Variants in SLCO3A1 observed in about 807,000 individuals in gnomAD.
The protein encoded by SLCO3A1 is solute carrier organic anion transporter family member 3A1, also known as PGE1 transporter.
SLCO3A1 carries 27 observed loss-of-function variants against 63.1 expected under a neutral mutation model. The ratio of observed to expected loss-of-function variants is 0.43; its 90% confidence interval spans 0.32 to 0.59. SLCO3A1 has a LOEUF of 0.59. Ranked by LOEUF, SLCO3A1 falls within the 20% of genes least tolerant of loss-of-function variation. The pLI, the probability that SLCO3A1 is intolerant of heterozygous loss-of-function variation, is 0.09. For missense variants in SLCO3A1, 773 were observed against 945.8 expected, an observed-to-expected ratio of 0.82 and a Z score of 2.40; for synonymous variants, 473 against 409.9, an observed-to-expected ratio of 1.15 and a Z score of -1.86.
intron 1 of SLCO3A1, among the ~76,000 whole-genome samples, chr15:91,868,076 G>C (rs1382564429): frequency 6.6e-6 from 1 of 151,966 alleles, no homozygotes; most frequent in Non-Finnish European, 1.5e-5. Context: ...TGAGGGGATG[G>C]AGTCTCGCTC....
At chr15:92,112,239 G>C (rs998626314) in intron 4 of SLCO3A1, among the ~76,000 whole-genome samples, 4 of 152,224 alleles carry the variant, frequency 2.6e-5, no homozygotes, top group Non-Finnish European at 4.4e-5. Context: ...TTGGGAGCTA[G>C]ACGTCTGGTT....
intron 8 of SLCO3A1, among the ~76,000 whole-genome samples, chr15:92,147,439 T>G (rs574691710): frequency 6.6e-6 from 1 of 152,142 alleles, no homozygotes; most frequent in South Asian, 2.1e-4. Flanking sequence ...GCATTGAGCC[T>G]TACAGGACGC....
intron 2 of SLCO3A1, among the ~76,000 whole-genome samples, chr15:91,993,200 G>A (rs952242607): frequency 1.3e-5 from 2 of 152,220 alleles, no homozygotes; most frequent in Admixed American, 1.3e-4. Flanking sequence ...ATGCATACTA[G>A]TCTTTGTACG....
chr15:91,998,926 T>G (rs1485104706), intron 2 of SLCO3A1, among the ~76,000 whole-genome samples: 1 of 152,198 alleles, frequency 6.6e-6, no homozygotes, highest in Non-Finnish European at 1.5e-5. Flanking sequence ...AAAGAAAATG[T>G]GCATATACAT....
At chr15:92,145,327 A>T (rs2048206944) in intron 7 of SLCO3A1, among the ~76,000 whole-genome samples, 1 of 152,128 alleles carries the variant, frequency 6.6e-6, no homozygotes, top group African/African-American at 2.4e-5. Flanking sequence ...GAAGAGGAGG[A>T]GTGGCATTTT....
rs1392881490 is a variant in SLCO3A1 at position 91,912,567 on chromosome 15, A to C, written c.181-3426A>C. 6.6e-6 allele frequency among the ~76,000 whole-genome samples: 1 copy of C among 152,206 alleles called. No homozygotes were observed. On this transcript the variant is annotated intron_variant, in intron 1 of 9. Transcript: ENST00000318445. The surrounding 1 kb of genome is among the most constrained non-coding windows in gnomAD (Gnocchi z 5.0). Reference sequence around the variant, plus strand: ...TCACCCTTATCTGTCATCAATGTGCACACCTGCATGATATTTTATGACACA... The same window carrying C: ...TCACCCTTATCTGTCATCAATGTGCCCACCTGCATGATATTTTATGACACA...
chr15:91,926,556 G>GCC (rs1899017579), intron 2 of SLCO3A1, among the ~76,000 whole-genome samples: 1 of 61,084 alleles, frequency 1.6e-5, no homozygotes, highest in South Asian at 7.9e-4. Context: ...TTCCTGCCAA[G>GCC]CCGTGTGTGT....
At chr15:92,101,622 G>C (rs1040900429) in intron 3 of SLCO3A1, among the ~76,000 whole-genome samples, 1 of 152,080 alleles carries the variant, frequency 6.6e-6, no homozygotes, top group South Asian at 2.1e-4. Flanking sequence ...AGCCTCCCCC[G>C]CCCTCAGGGC....
chr15:91,977,589 G>A (rs951903018), intron 2 of SLCO3A1, among the ~76,000 whole-genome samples: 5 of 152,124 alleles, frequency 3.3e-5, no homozygotes, highest in African/African-American at 7.2e-5. Flanking sequence ...GTGATATAAC[G>A]AACTTTGGCA....
intron 7 of SLCO3A1, 37 bp from the exon 8 acceptor site, chr15:92,146,947 T>C: frequency 6.4e-7 from 1 of 1,556,424 alleles, no homozygotes; most frequent in South Asian, 1.2e-5. Context: ...AAACCGGAAG[T>C]ACCCCCAGAT....
At chr15:91,983,603 T>G (rs1187591983) in intron 2 of SLCO3A1, among the ~76,000 whole-genome samples, 1 of 152,194 alleles carries the variant, frequency 6.6e-6, no homozygotes, top group African/African-American at 2.4e-5. Flanking sequence ...ACAAGTAAAT[T>G]ACTTACATCT....
intron 2 of SLCO3A1, among the ~76,000 whole-genome samples, chr15:92,062,180 A>G (rs1227627334): frequency 6.6e-6 from 1 of 152,214 alleles, no homozygotes; most frequent in African/African-American, 2.4e-5. Flanking sequence ...GACAGCAAAC[A>G]CACACACACT....
At chr15:91,889,008 T>TAA (rs35585843) in intron 1 of SLCO3A1, 24,090 of 331,480 alleles carry the variant, frequency 0.073, 304 homozygotes, top group African/African-American at 0.08. Context: ...AGACTGTCTC[T>TAA]AAAAAAAAAA....
Position 91,883,094 on chromosome 15 carries a change from A to G in SLCO3A1, c.180+29006A>G, listed in dbSNP as rs977836237. On this transcript the variant is annotated intron_variant, in intron 1 of 9. Transcript: ENST00000318445. This position sits in a 1 kb window ranked among gnomAD's most constrained non-coding sequence, Gnocchi z 4.8. ...TGGGAAGGAGCCATGTGCTCCAGCC[A>G]TTCAGATTCCAGTCCTCTCTGTCAG... Among the ~76,000 whole-genome samples, 2 of 152,240 alleles carry G rather than the reference A, an allele frequency of 1.3e-5. No individual in the cohort carries two copies. The highest frequency in any genetic ancestry group is 2.9e-5 in the Non-Finnish European group (2 of 68,046).
intron 2 of SLCO3A1, among the ~76,000 whole-genome samples, chr15:91,959,422 T>C (rs1242405452): frequency 6.6e-6 from 1 of 151,612 alleles, no homozygotes; most frequent in Non-Finnish European, 1.5e-5. Flanking sequence ...CCAAAAACGA[T>C]TGAAATTTTA....
intron 2 of SLCO3A1, among the ~76,000 whole-genome samples, chr15:92,034,429 C>T (rs1024988505): frequency 2.0e-5 from 3 of 151,314 alleles, no homozygotes; most frequent in East Asian, 3.9e-4. Flanking sequence ...GCCTGGAAGT[C>T]GGGGGAATGT....
chr15:92,062,722 T>A lies in SLCO3A1; in HGVS notation c.647-32159T>A, dbSNP rs147696841. 4.1e-3 allele frequency among the ~76,000 whole-genome samples: 620 copies of A among 152,296 alleles called. 6 individuals are homozygous for A. The highest frequency in any genetic ancestry group is 0.014 in the African/African-American group (594 of 41,560). The stretch of plus-strand genomic sequence containing the variant: ...CAGTCTCTGACATGCCAGGTCACTC[T>A]CTCGGGCTCCGGCTCCTGTACCTGA... On this transcript the variant is annotated intron_variant, in intron 2 of 9. Coordinates refer to ENST00000318445, the MANE Select transcript of SLCO3A1 (RefSeq NM_013272.4).
chr15:92,088,772 C>T (rs2047435752), intron 2 of SLCO3A1, among the ~76,000 whole-genome samples: 1 of 152,146 alleles, frequency 6.6e-6, no homozygotes, highest in Admixed American at 6.5e-5. Flanking sequence ...CCATCACATC[C>T]CCATTTCTGA....
At chr15:92,088,022 C>T (rs555102852) in intron 2 of SLCO3A1, among the ~76,000 whole-genome samples, 3 of 152,112 alleles carry the variant, frequency 2.0e-5, no homozygotes, top group African/African-American at 7.2e-5. Flanking sequence ...ACAGCACAGA[C>T]AGAGACATCT....
Sources: allele counts gnomAD v4.1 joint callset (sites outside exome capture counted in the v4.1 genomes callset), GRCh38; gene constraint gnomAD v4.1.1; non-coding constraint Gnocchi (gnomAD v3.1); transcripts MANE v1.5; gene names NCBI Gene and HGNC (gene_info 2026-07-23, HGNC 2026-07-21).